Variants in LUC7L3 observed in about 807,000 individuals in gnomAD.
LUC7L3 encodes the protein luc7-like protein 3.
LUC7L3 carries 6 observed loss-of-function variants against 66.8 expected under a neutral mutation model. The observed-to-expected ratio is 0.09, with a 90% CI of 0.05 to 0.18. The LOEUF (loss-of-function observed/expected upper bound fraction) is 0.18. LUC7L3 is among the 10% of genes least tolerant of loss of function. The pLI is 1.00. For missense variants in LUC7L3, 341 were observed against 531.1 expected (o/e 0.64, Z 3.52); for synonymous variants, 160 against 174.7 (o/e 0.92, Z 0.66).
chr17:50,733,744 G>T (rs566262834), intron 1 of LUC7L3, among the ~76,000 whole-genome samples: 1 of 152,244 alleles, frequency 6.6e-6, no homozygotes, highest in African/African-American at 2.4e-5. Flanking sequence ...ACAAAATTTA[G>T]TTTTTAAATT....
At chr17:50,735,590 C>T (rs1231923249) in intron 1 of LUC7L3, among the ~76,000 whole-genome samples, 1 of 152,036 alleles carries the variant, frequency 6.6e-6, no homozygotes. Flanking sequence ...ATTGCAGCCT[C>T]GACCTCCCAG....
intron 1 of LUC7L3, 62 bp from the exon 2 acceptor site, chr17:50,736,898 C>A: frequency 1.0e-6 from 1 of 976,030 alleles, no homozygotes; most frequent in Non-Finnish European, 1.6e-6. Flanking sequence ...TATTTGGCAC[C>A]TTTCTCCAAT....
At chr17:50,722,219 A>T (rs1968825813) in intron 1 of LUC7L3, 4 of 34,604 alleles carry the variant, frequency 1.2e-4, no homozygotes, top group African/African-American at 3.7e-4. Flanking sequence ...TTTTTTTGAG[A>T]CGGCGTCTTG....
intron 2 of LUC7L3, 54 bp downstream of exon 2, chr17:50,737,080 AATAGGAGTG>A (rs2146735343): frequency 7.7e-7 from 1 of 1,302,524 alleles, no homozygotes; most frequent in Non-Finnish European, 1.1e-6. Context: ...TAAAATGTTG[AATAGGAGTG>A]GTGAAAGGAA....
chr17:50,731,398 C>T (rs981041813), intron 1 of LUC7L3, among the ~76,000 whole-genome samples: 3 of 152,178 alleles, frequency 2.0e-5, no homozygotes, highest in Admixed American at 1.3e-4. Context: ...GAACTCCTGA[C>T]CTCAGGTGAT....
At chr17:50,720,276 A>T (rs74604055) in intron 1 of LUC7L3, among the ~76,000 whole-genome samples, 11,801 of 152,308 alleles carry the variant, frequency 0.077, 450 homozygotes, top group Non-Finnish European at 0.082. Flanking sequence ...TTACAGCATG[A>T]CGCTTATACG....
chr17:50,736,860 T>C (rs776697773), intron 1 of LUC7L3, 100 bp from the exon 2 acceptor site: 9 of 732,026 alleles, frequency 1.2e-5, no homozygotes, highest in Non-Finnish European at 1.9e-5. Context: ...GGTTGAAACA[T>C]ACATACCTCA....
At chr17:50,747,192 C>T (rs1320487286) in intron 9 of LUC7L3, among the ~76,000 whole-genome samples, 1 of 150,142 alleles carries the variant, frequency 6.7e-6, no homozygotes, top group Non-Finnish European at 1.5e-5. Context: ...TCAATGGGAT[C>T]AACATGCTCT....
intron 5 of LUC7L3, among the ~76,000 whole-genome samples, chr17:50,742,454 G>A (rs529941610): frequency 1.8e-4 from 28 of 152,040 alleles, no homozygotes; most frequent in Non-Finnish European, 3.4e-4. Context: ...TGCCTCCCAG[G>A]TTCAAATGAT....
intron 9 of LUC7L3, chr17:50,749,398 T>A (rs570617419): frequency 5.4e-5 from 67 of 1,241,392 alleles, no homozygotes; most frequent in Middle Eastern, 5.0e-4. Context: ...CAGACAGACA[T>A]GAAGCAAGTC....
At chr17:50,734,066 AAAT>A (rs1969820407) in intron 1 of LUC7L3, among the ~76,000 whole-genome samples, 2 of 152,242 alleles carry the variant, frequency 1.3e-5, no homozygotes, top group South Asian at 4.1e-4. Context: ...GGAACTTCAG[AAAT>A]AATTTTTAAA....
intron 9 of LUC7L3, 82 bp from the exon 10 acceptor site, chr17:50,750,419 C>CA: frequency 7.7e-7 from 1 of 1,293,680 alleles, no homozygotes; most frequent in Non-Finnish European, 1.1e-6. Flanking sequence ...TCTCATCTCT[C>CA]AGTTGTTTCA....
intron 7 of LUC7L3, 24 bp from the exon 8 acceptor site, chr17:50,745,696 A>G: frequency 6.4e-7 from 1 of 1,558,720 alleles, no homozygotes; most frequent in Non-Finnish European, 8.6e-7. Flanking sequence ...ACATTTGCAT[A>G]AGAATCCAAC....
Position 50,719,729 on chromosome 17 carries a change from C to T in LUC7L3, c.-4C>T, listed in dbSNP as rs924640373. Reference sequence around the variant, plus strand: ...GGTGGGAACAGCCGCCCGAAGGAAGCACCATGATTTCGGCCGCGCAGTTGT... The same window carrying T: ...GGTGGGAACAGCCGCCCGAAGGAAGTACCATGATTTCGGCCGCGCAGTTGT... On this transcript the variant is annotated 5_prime_UTR_variant, in exon 1 of 10. Transcript: ENST00000505658. The T allele has an allele frequency of 4.3e-6, 7 of 1,610,024 alleles. No individual in the cohort carries two copies. In the Admixed American group the frequency reaches 6.7e-5, roughly 15 times the overall value.
chr17:50,747,049 G>T (rs1196234193), intron 9 of LUC7L3, among the ~76,000 whole-genome samples: 8 of 151,724 alleles, frequency 5.3e-5, no homozygotes, highest in Non-Finnish European at 1.0e-4. Flanking sequence ...ACACACTGCA[G>T]TGTTTCATAA....
At chr17:50,745,637 A>T in intron 7 of LUC7L3, 83 bp from the exon 8 acceptor site, 1 of 1,074,314 alleles carries the variant, frequency 9.3e-7, no homozygotes, top group Non-Finnish European at 1.4e-6. Context: ...AAGTTGGTCT[A>T]CAGATAACTT....
intron 7 of LUC7L3, among the ~76,000 whole-genome samples, chr17:50,745,270 G>A (rs952646500): frequency 2.0e-5 from 3 of 151,956 alleles, no homozygotes; most frequent in Non-Finnish European, 4.4e-5. Context: ...GAGCCACTGC[G>A]CTCGGCCAGC....
intron 5 of LUC7L3, 90 bp downstream of exon 5, chr17:50,741,821 A>C: frequency 3.0e-6 from 3 of 990,006 alleles, no homozygotes; most frequent in Non-Finnish European, 4.7e-6. Flanking sequence ...ATGGTAACTC[A>C]TGTGTATAAT....
Position 50,744,721 on chromosome 17 carries a change from G to A in LUC7L3, c.601G>A (p.Val201Ile), listed in dbSNP as rs1320958028. 1 of 1,614,104 alleles carries A rather than the reference G, an allele frequency of 6.2e-7. No homozygotes were observed. Among genetic ancestry groups the A allele is most frequent in the African/African-American group, 1.3e-5 (1 of 75,064 alleles). ...VCEVCGAFLIVGDAQSRVDDH... is the reference protein window; with the variant it reads ...VCEVCGAFLIIGDAQSRVDDH... ...TGAAGTATGTGGAGCCTTTTTAATAGTAGGAGATGCCCAGTCCCGGGTAGA... is the reference window on the plus strand; with the variant it reads ...TGAAGTATGTGGAGCCTTTTTAATAATAGGAGATGCCCAGTCCCGGGTAGA... The change falls in exon 7 of 10, where the codon GTA becomes ATA. Residue 201 changes from valine (V) to isoleucine (I), a missense_variant. Around this residue, in one of 6 missense-constraint regions of LUC7L3, gnomAD observed 17 missense variants for 48.2 expected, o/e 0.35. Transcript: ENST00000505658.
Sources: allele counts gnomAD v4.1 joint callset (sites outside exome capture counted in the v4.1 genomes callset), GRCh38; gene constraint gnomAD v4.1.1; regional missense constraint gnomAD v4.1.1; transcripts MANE v1.5; gene names NCBI Gene and HGNC (gene_info 2026-07-23, HGNC 2026-07-21).